The following GABRB3 variants were observed in gnomAD, a reference collection of about 807,000 sequenced individuals.
GABRB3 encodes gamma-aminobutyric acid receptor subunit beta-3.
Under a neutral mutation model 52.1 loss-of-function variants are expected in GABRB3, and 14 were observed. The observed-to-expected ratio is 0.27, with a 90% CI of 0.18 to 0.42. The LOEUF is 0.42. Among genes scored for constraint, GABRB3 ranks in the 10% least tolerant of loss-of-function variants. The pLI is 1.00. For missense variants in GABRB3, 307 were observed against 609.1 expected (o/e 0.50, Z 5.22); for synonymous variants, 260 against 232.3 (o/e 1.12, Z -1.08).
At chr15:26,689,196 C>T (rs576116203) in intron 3 of GABRB3, among the ~76,000 whole-genome samples, 3 of 152,188 alleles carry the variant, frequency 2.0e-5, no homozygotes, top group East Asian at 1.9e-4. Flanking sequence ...TGGCTTCCTG[C>T]GACCTCCATC....
At chr15:26,587,003 G>A (rs1306352866) in intron 4 of GABRB3, among the ~76,000 whole-genome samples, 2 of 152,154 alleles carry the variant, frequency 1.3e-5, no homozygotes, top group East Asian at 3.9e-4. Flanking sequence ...GTTAGCAGTA[G>A]AGTATTGTAC....
At chr15:26,587,802 G>T (rs1891049531) in intron 4 of GABRB3, among the ~76,000 whole-genome samples, 1 of 152,088 alleles carries the variant, frequency 6.6e-6, no homozygotes, top group Admixed American at 6.5e-5. Context: ...CACACACATG[G>T]TTTTATATTT....
chr15:26,630,677 C>G (rs949708087), intron 3 of GABRB3, among the ~76,000 whole-genome samples: 1 of 152,114 alleles, frequency 6.6e-6, no homozygotes, highest in Admixed American at 6.5e-5. Context: ...ATTAAAAAGC[C>G]ATTTATTCAT....
At chr15:26,704,672 T>C (rs1243649757) in intron 3 of GABRB3, among the ~76,000 whole-genome samples, 2 of 152,242 alleles carry the variant, frequency 1.3e-5, no homozygotes, top group African/African-American at 2.4e-5. Context: ...AGATTTCATC[T>C]GCTAAATATC....
At chr15:26,696,157 C>T (rs909388465) in intron 3 of GABRB3, among the ~76,000 whole-genome samples, 1 of 152,158 alleles carries the variant, frequency 6.6e-6, no homozygotes, top group African/African-American at 2.4e-5. Context: ...AACATCCTTC[C>T]TCCTCCAGCT....
rs113390859 is a variant in GABRB3 at position 26,669,300 on chromosome 15, T to C, written c.241-47766A>G. ...TCTCCAAAATTTAGACAGCTTGGAT[T>C]AAGTCCTGGCTGCATGTTCGCTAAG... is the stretch of plus-strand genomic sequence containing the variant. On this transcript the variant is annotated intron_variant, in intron 3 of 8. Transcript: ENST00000311550. 1.7e-3 allele frequency among the ~76,000 whole-genome samples: 261 copies of C among 152,312 alleles called. 1 individual carries two copies. Among genetic ancestry groups the C allele is most frequent in the African/African-American group, 5.8e-3 (242 of 41,574 alleles).
At chr15:26,721,292 G>A (rs1438105803) in intron 3 of GABRB3, among the ~76,000 whole-genome samples, 1 of 152,158 alleles carries the variant, frequency 6.6e-6, no homozygotes, top group East Asian at 1.9e-4. Flanking sequence ...AGCAGAAGTG[G>A]CCCTTTGGAA....
intron 3 of GABRB3, among the ~76,000 whole-genome samples, chr15:26,747,739 A>G (rs558317625): frequency 1.0e-3 from 155 of 152,302 alleles, no homozygotes; most frequent in African/African-American, 3.6e-3. Flanking sequence ...CTAAAATAAG[A>G]TAGGTGAAAG....
intron 3 of GABRB3, among the ~76,000 whole-genome samples, chr15:26,732,506 T>C (rs1889955908): frequency 6.6e-6 from 1 of 152,130 alleles, no homozygotes; most frequent in Non-Finnish European, 1.5e-5. Flanking sequence ...GATGGGAAAA[T>C]TGTTTGAGAC....
chr15:26,703,700 T>C (rs185825944), intron 3 of GABRB3, among the ~76,000 whole-genome samples: 1 of 152,140 alleles, frequency 6.6e-6, no homozygotes, highest in South Asian at 2.1e-4. Flanking sequence ...GGGCCAGGCA[T>C]AGGATAGTGC....
At chr15:26,643,164 TTA>T (rs746205665) in intron 3 of GABRB3, among the ~76,000 whole-genome samples, 5 of 152,158 alleles carry the variant, frequency 3.3e-5, no homozygotes, top group South Asian at 4.1e-4. Context: ...TGTGAAGATT[TTA>T]TGTTTCTCCA....
chr15:26,632,627 G>C (rs1034512893), intron 3 of GABRB3, among the ~76,000 whole-genome samples: 5 of 152,180 alleles, frequency 3.3e-5, no homozygotes, highest in African/African-American at 1.2e-4. Flanking sequence ...AAATGTAAGA[G>C]AGATGCCCTT....
intron 7 of GABRB3, 100 bp downstream of exon 7, chr15:26,567,481 C>G: frequency 8.8e-7 from 1 of 1,139,690 alleles, no homozygotes; most frequent in Non-Finnish European, 1.3e-6. Flanking sequence ...TTGTGTCACG[C>G]TGTCAAAAAA....
At chr15:26,770,850 A>G (rs1891125249) in intron 3 of GABRB3, among the ~76,000 whole-genome samples, 1 of 152,236 alleles carries the variant, frequency 6.6e-6, no homozygotes, top group South Asian at 2.1e-4. Flanking sequence ...TAAAACAAAC[A>G]TTTTGAGTAA....
intron 3 of GABRB3, among the ~76,000 whole-genome samples, chr15:26,710,721 T>A (rs919650327): frequency 1.3e-5 from 2 of 152,240 alleles, no homozygotes; most frequent in African/African-American, 2.4e-5. Flanking sequence ...CTTAGTATTG[T>A]CAATCTTCAA....
intron 8 of GABRB3, among the ~76,000 whole-genome samples, chr15:26,555,913 T>A (rs952256208): frequency 2.6e-5 from 4 of 152,254 alleles, no homozygotes; most frequent in African/African-American, 9.6e-5. Flanking sequence ...TCATGGATTT[T>A]TTTTTCTGAA....
intron 8 of GABRB3, among the ~76,000 whole-genome samples, chr15:26,554,532 C>T (rs146497054): frequency 1.1e-3 from 161 of 152,074 alleles, no homozygotes; most frequent in African/African-American, 3.7e-3. Flanking sequence ...CAGTTTTACC[C>T]GGCTTTATAA....
chr15:26,764,180 ATATATATATATATAT>A (rs1233437027), intron 3 of GABRB3, among the ~76,000 whole-genome samples: 1 of 4,450 alleles, frequency 2.2e-4, no homozygotes, highest in Non-Finnish European at 3.9e-4. Context: ...AAAAAAAAAA[ATATATATATATATAT>A]ATATATATAT....
At chr15:26,694,380 C>G (rs1004741097) in intron 3 of GABRB3, among the ~76,000 whole-genome samples, 4 of 152,170 alleles carry the variant, frequency 2.6e-5, no homozygotes, top group African/African-American at 9.7e-5. Flanking sequence ...TGATACCTTA[C>G]CATGACCCCA....
Sources: allele counts gnomAD v4.1 joint callset (sites outside exome capture counted in the v4.1 genomes callset), GRCh38; gene constraint gnomAD v4.1.1; transcripts MANE v1.5; gene names NCBI Gene and HGNC (gene_info 2026-07-23, HGNC 2026-07-21).